DMD: variants seen among roughly 807,000 people sequenced by gnomAD.
DMD encodes dystrophin.
A neutral mutation model predicts 330.1 loss-of-function variants in DMD; 63 were observed. The observed-to-expected ratio is 0.19, with a 90% CI of 0.16 to 0.24. The LOEUF is 0.24. DMD is among the 10% of genes least tolerant of loss of function. DMD has a pLI of 1.00. For synonymous variants in DMD, 1,223 were observed against 959.8 expected (o/e 1.27, Z -5.07); for missense variants, 3,344 against 2,684.1 (o/e 1.25, Z -5.43).
At chrX:33,028,718 C>T (rs1054707814) in intron 1 of DMD, among the ~76,000 whole-genome samples, 6 of 111,680 alleles carry the variant, frequency 5.4e-5, no homozygotes, top group Non-Finnish European at 9.4e-5. Flanking sequence ...CTGATATATA[C>T]ATATGTGTAG....
Position 33,010,021 on chromosome X carries a change from T to G in DMD, c.93+10118A>C, listed in dbSNP as rs2093640546. ...ACGTATGTATGTGTATATACACATA[T>G]GTGTGTACATGTGTATATACACATG... On this transcript the variant is annotated intron_variant, in intron 2 of 78. Coordinates refer to ENST00000357033, the MANE Select transcript of DMD (RefSeq NM_004006.3). Among the ~76,000 whole-genome samples the G allele has an allele frequency of 2.8e-5, 2 of 70,901 alleles. 1 individual carries two copies. The highest frequency in any genetic ancestry group is 6.2e-5 in the Non-Finnish European group (2 of 32,228). The allele number at this position is 70,901 out of a possible 115,157, so 61.6% of individuals were successfully genotyped here.
chrX:32,953,132 CAAA>C (rs956888529), intron 2 of DMD, among the ~76,000 whole-genome samples: 10 of 48,298 alleles, frequency 2.1e-4, no homozygotes, highest in East Asian at 6.1e-4. Flanking sequence ...AAGACTCCAC[CAAA>C]AAAAAAAAAA....
intron 20 of DMD, among the ~76,000 whole-genome samples, chrX:32,489,081 T>G (rs2042747360): frequency 9.0e-6 from 1 of 111,460 alleles, no homozygotes; most frequent in Admixed American, 9.7e-5. Context: ...GCTTTGCATC[T>G]TAGTTTAAAC....
intron 13 of DMD, among the ~76,000 whole-genome samples, chrX:32,585,048 T>G (rs941002765): frequency 2.7e-5 from 3 of 111,430 alleles, no homozygotes; most frequent in African/African-American, 6.5e-5. Context: ...TGCAACAACA[T>G]AAATGGAACT....
intron 47 of DMD, among the ~76,000 whole-genome samples, chrX:31,877,431 A>G (rs1170015096): frequency 8.9e-6 from 1 of 111,789 alleles, no homozygotes; most frequent in Non-Finnish European, 1.9e-5. Context: ...CGTGACTACA[A>G]TGGTGTAAAA....
chrX:32,722,709 TCATA>T (rs1290319186), intron 7 of DMD, among the ~76,000 whole-genome samples: 1 of 111,457 alleles, frequency 9.0e-6, no homozygotes, highest in East Asian at 2.8e-4. Context: ...TTCTATGTTA[TCATA>T]AATAGAATTT....
At chrX:32,872,272 T>A (rs764927619) in intron 2 of DMD, among the ~76,000 whole-genome samples, 42 of 111,877 alleles carry the variant, frequency 3.8e-4, no homozygotes, top group Non-Finnish European at 1.5e-4. Context: ...TTTGACCTGC[T>A]AAGCTGCAAT....
At chrX:31,470,171 C>T (rs1275583810) in intron 59 of DMD, among the ~76,000 whole-genome samples, 5 of 111,233 alleles carry the variant, frequency 4.5e-5, no homozygotes, top group African/African-American at 1.6e-4. Flanking sequence ...AGCCTACTTC[C>T]GTCAATTCGT....
chrX:32,650,546 T>C (rs2060081926), intron 9 of DMD, among the ~76,000 whole-genome samples: 1 of 111,869 alleles, frequency 8.9e-6, no homozygotes, highest in Admixed American at 9.5e-5. Flanking sequence ...CCTGGAAATA[T>C]TCTTGACACA....
Position 31,182,047 on chromosome X carries a change from T to G in DMD, c.9974+691A>C, listed in dbSNP as rs41303191. 9.1e-3 allele frequency among the ~76,000 whole-genome samples: 1,029 copies of G among 112,604 alleles called. 5 individuals are homozygous for G. Among genetic ancestry groups the G allele is most frequent in the Non-Finnish European group, 0.014 (749 of 53,254 alleles). ...TATTTGGCCTTGTTTTCCATGATAT[T>G]TTAAGACTATCAGAATAACCTGCTA... On this transcript the variant is annotated intron_variant, in intron 68 of 78. Coordinates refer to ENST00000357033, the MANE Select transcript of DMD (RefSeq NM_004006.3).
intron 51 of DMD, among the ~76,000 whole-genome samples, chrX:31,746,371 T>C (rs958898392): frequency 8.9e-6 from 1 of 111,837 alleles, no homozygotes; most frequent in Non-Finnish European, 1.9e-5. Flanking sequence ...AGATGTGAAA[T>C]TTGAATTATC....
intron 47 of DMD, among the ~76,000 whole-genome samples, chrX:31,922,048 C>T (rs1279191061): frequency 1.8e-5 from 2 of 111,658 alleles, no homozygotes; most frequent in Non-Finnish European, 3.8e-5. Flanking sequence ...CAGGGGCAGG[C>T]CTCTGACCTT....
intron 55 of DMD, among the ~76,000 whole-genome samples, chrX:31,509,543 C>A (rs901365984): frequency 8.9e-6 from 1 of 111,803 alleles, no homozygotes; most frequent in African/African-American, 3.2e-5. Flanking sequence ...CATTAACATA[C>A]ATATAAAGGA....
At chrX:31,418,788 T>C (rs912855805) in intron 60 of DMD, among the ~76,000 whole-genome samples, 1 of 112,211 alleles carries the variant, frequency 8.9e-6, no homozygotes, top group Non-Finnish European at 1.9e-5. Flanking sequence ...ATGCTTTGAT[T>C]ATCAGGTGAG....
At chrX:33,241,657 A>AC (rs2052588181) in intron 1 of DMD, among the ~76,000 whole-genome samples, 1 of 112,375 alleles carries the variant, frequency 8.9e-6, no homozygotes, top group East Asian at 2.8e-4. Flanking sequence ...CAATACATGA[A>AC]CACAGAATAC....
chrX:32,685,395 C>T (rs1402407320), intron 9 of DMD, among the ~76,000 whole-genome samples: 1 of 111,478 alleles, frequency 9.0e-6, no homozygotes, highest in African/African-American at 3.3e-5. Context: ...CTGGATTTAG[C>T]AATCTGACAC....
intron 47 of DMD, among the ~76,000 whole-genome samples, chrX:31,892,770 C>A (rs1166281098): frequency 8.9e-6 from 1 of 111,835 alleles, no homozygotes; most frequent in Non-Finnish European, 1.9e-5. Flanking sequence ...GTATGGTAAA[C>A]CTACTGTATT....
rs138884853 is a variant in DMD, at chrX:32,482,306, C to A, written c.2803+2613G>T. On this transcript the variant is annotated intron_variant, in intron 21 of 78. Transcript: ENST00000357033. ...TCAACTGTCATGGGAAACAATTCCA[C>A]CCCCTCATCCTCCCAGACCTAGGCA... 4.1e-3 allele frequency among the ~76,000 whole-genome samples: 460 copies of A among 110,974 alleles called. 1 individual carries two copies. The highest frequency in any genetic ancestry group is 0.014 in the African/African-American group (428 of 30,665).
intron 2 of DMD, among the ~76,000 whole-genome samples, chrX:32,928,890 T>C (rs2089330834): frequency 1.8e-5 from 2 of 112,282 alleles, no homozygotes; most frequent in African/African-American, 3.2e-5. Context: ...TATGCATGGC[T>C]TTATTCTTTT....
Sources: gnomAD v4.1 joint callset for allele counts (sites outside exome capture counted in the v4.1 genomes callset) on GRCh38, gnomAD v4.1.1 for gene constraint, MANE v1.5 for transcripts, NCBI Gene and HGNC (gene_info 2026-07-23, HGNC 2026-07-21) for gene names.